Variants in CEP295 observed in about 807,000 individuals in gnomAD.
CEP295 encodes the protein centrosomal protein of 295 kDa.
In CEP295, 190 loss-of-function variants were observed where a neutral mutation model predicts 291.6. The observed-to-expected ratio is 0.65, with a 90% CI of 0.58 to 0.73. The LOEUF is 0.73. Among genes scored for constraint, CEP295 ranks in the 30% least tolerant of loss-of-function variants. CEP295 has a pLI of 0.00. For synonymous variants in CEP295, 993 were observed against 1,038.8 expected (o/e 0.96, Z 0.85); for missense variants, 2,863 against 2,949.4 (o/e 0.97, Z 0.68).
chr11:93,720,951 A>G (rs1953669791), intron 18 of CEP295, among the ~76,000 whole-genome samples: 1 of 152,182 alleles, frequency 6.6e-6, no homozygotes, highest in Non-Finnish European at 1.5e-5. Context: ...CTTTAGGACC[A>G]CACTGTGTTT....
At position 93,676,918 on chromosome 11, in the gene CEP295, G is replaced by A. The variant is rs116605588; in HGVS notation, c.624+1252G>A. Among the ~76,000 whole-genome samples the A allele has an allele frequency of 5.1e-3, 777 of 151,922 alleles. 11 individuals carry two copies. The highest frequency in any genetic ancestry group is 0.017 in the African/African-American group (709 of 41,440). On this transcript the variant is annotated intron_variant, in intron 6 of 29. Coordinates refer to ENST00000325212, the MANE Select transcript of CEP295 (RefSeq NM_033395.2). ...ATGATAAAGGGTTAGAAAAAAGTTC[G>A]GGACCACAAACAAATTTTGTTTCTA...
rs1441066338 is a variant in CEP295, at chr11:93,721,367, G to A, written c.5805G>A (p.Glu1935=). ...ATGCAGTGTTAAGTTATGCTGTGGA[G>A]GAAGAACATGCATATTTGGGTCCAA... ...ENHAVLSYAV[E]EEHAYLGPTV... The change falls in exon 19 of 30, where the codon GAG becomes GAA. Residue 1935 remains glutamate (E), a synonymous_variant. Transcript: ENST00000325212. The A allele has an allele frequency of 6.4e-7, 1 of 1,569,858 alleles. No homozygotes were observed. The highest frequency in any genetic ancestry group is 8.7e-7 in the Non-Finnish European group (1 of 1,155,184).
chr11:93,678,779 C>T (rs776404786), intron 6 of CEP295, among the ~76,000 whole-genome samples: 19 of 151,986 alleles, frequency 1.3e-4, no homozygotes, highest in Non-Finnish European at 2.6e-4. Flanking sequence ...GACTCTGTGC[C>T]TCTTTCTCTT....
intron 6 of CEP295, among the ~76,000 whole-genome samples, chr11:93,677,947 T>A (rs1226109169): frequency 6.6e-6 from 1 of 152,210 alleles, no homozygotes; most frequent in Non-Finnish European, 1.5e-5. Context: ...TAGGGGATTG[T>A]CTTCCTAAAG....
In CEP295 at chr11:93,729,775, T is replaced by G. The variant is rs1325058108; in HGVS notation, c.7561T>G (p.Ser2521Ala). 3 of 1,540,584 alleles carry G rather than the reference T, an allele frequency of 1.9e-6. No homozygotes were observed. The highest frequency in any genetic ancestry group is 2.6e-6 in the Non-Finnish European group (3 of 1,142,246). ...AATCAAAACAGTTAAAGAGAAACCA[T>G]CTATAAGTATGTTGAATTTTTAAAA... ...SQIKTVKEKP[S>A]ISSSVSRLKG... The change falls in exon 27 of 30, where the codon TCT becomes GCT. Residue 2521 changes from serine to alanine, a missense_variant. By Grantham distance (99) the Ser-to-Ala change is moderately conservative. Transcript: ENST00000325212.
chr11:93,721,044 C>A (rs1415199392), intron 18 of CEP295, among the ~76,000 whole-genome samples: 3 of 152,090 alleles, frequency 2.0e-5, no homozygotes, highest in Admixed American at 2.0e-4. Context: ...GGTTTTAGAC[C>A]TAATATTCAA....
chr11:93,696,129 G>A (rs549535897), intron 13 of CEP295, among the ~76,000 whole-genome samples, 191 bp from the exon 14 acceptor site: 95 of 152,260 alleles, frequency 6.2e-4, no homozygotes, highest in Admixed American at 1.8e-3. Flanking sequence ...TGTAGGTAAT[G>A]CGTATGTTGA....
rs545391700 is a variant in CEP295 at position 93,702,794 on chromosome 11, A to T, written c.5471A>T (p.Asp1824Val). Residue 1824 changes from aspartate to valine, a missense_variant, in exon 17 of 30, where the codon GAT becomes GTT. By Grantham distance (152) the Asp-to-Val change is radical (BLOSUM62 -3). Transcript: ENST00000325212. ...TTAATAGGTGAGCATCTGGAGAAAG[A>T]TCTGGGGAGAAGATCCTCAAAGCCA... is the stretch of plus-strand genomic sequence containing the variant. ...AKQSGEHLEK[D>V]LGRRSSKPPV... 1.2e-5 allele frequency: 19 copies of T among 1,551,980 alleles called. No homozygotes were observed. In the East Asian group the frequency reaches 4.4e-4, roughly 36 times the overall value.
At chr11:93,684,970 A>G (rs1591016282) in intron 9 of CEP295, among the ~76,000 whole-genome samples, 3 of 152,192 alleles carry the variant, frequency 2.0e-5, no homozygotes, top group Admixed American at 2.0e-4. Context: ...CTCTATCTCC[A>G]ACATTCTGAA....
intron 19 of CEP295, 187 bp downstream of exon 19, chr11:93,721,599 G>A (rs866004324): frequency 1.3e-6 from 1 of 754,804 alleles, no homozygotes; most frequent in Middle Eastern, 2.4e-4. Flanking sequence ...TCTACCTGAT[G>A]CATGATCTCT....
intron 15 of CEP295, among the ~76,000 whole-genome samples, chr11:93,702,118 C>G (rs777625862): frequency 1.3e-5 from 2 of 152,034 alleles, no homozygotes; most frequent in Admixed American, 1.3e-4. Context: ...ACAATCACGC[C>G]CAGCCAATTT....
intron 10 of CEP295, among the ~76,000 whole-genome samples, chr11:93,690,514 G>C (rs569276989): frequency 6.7e-6 from 1 of 149,652 alleles, no homozygotes; most frequent in Non-Finnish European, 1.5e-5. Flanking sequence ...AGCCGAGATC[G>C]GGCCACTGCA....
At chr11:93,667,861 T>C in intron 3 of CEP295, 54 bp downstream of exon 3, 1 of 1,195,896 alleles carries the variant, frequency 8.4e-7, no homozygotes, top group Admixed American at 2.9e-5. Context: ...TAGTAAAAAG[T>C]AAATTATAGT....
rs901402570 is a variant in CEP295 at position 93,727,292 on chromosome 11, A to G, written c.6816A>G (p.Leu2272=). 1.9e-6 allele frequency: 3 copies of G among 1,551,750 alleles called. No individual in the cohort carries two copies. Among genetic ancestry groups the G allele is most frequent in the Non-Finnish European group, 2.6e-6 (3 of 1,146,970 alleles). ...GTGAGTGCTCAACAAAACACCAACT[A>G]GAAAGCAGAAAGGAAAGTATGGGCT... The part of the protein sequence containing the change: ...NSSECSTKHQ[L]ESRKESMGFE... Residue 2272 remains leucine (L), a synonymous_variant, in exon 24 of 30, where the codon CTA becomes CTG. Coordinates refer to ENST00000325212, the MANE Select transcript of CEP295 (RefSeq NM_033395.2).
chr11:93,683,638 T>C lies in CEP295; in HGVS notation c.845T>C (p.Met282Thr). 1.9e-6 allele frequency: 3 copies of C among 1,549,916 alleles called. No homozygotes were observed. Among genetic ancestry groups the C allele is most frequent in the Non-Finnish European group, 2.6e-6 (3 of 1,146,608 alleles). ...CGTAGGAGACAGACTGTAGCACAAA[T>C]GCCACCACAACTAGTTGAACTTCCA... ...LARRRQTVAQ[M>T]PPQLVELPYK... is the part of the protein sequence containing the mutation. The change falls in exon 8 of 30, where the codon ATG becomes ACG. Residue 282 changes from methionine (M) to threonine (T), a missense_variant. Met to Thr is a moderately conservative substitution (Grantham distance 81). Transcript: ENST00000325212.
chr11:93,662,367 C>T (rs950426008), intron 1 of CEP295, among the ~76,000 whole-genome samples: 2 of 152,140 alleles, frequency 1.3e-5, no homozygotes, highest in African/African-American at 4.8e-5. Flanking sequence ...TTTAAGAAAA[C>T]GAAACCAAAG....
chr11:93,728,893 A>AG, intron 25 of CEP295, 72 bp downstream of exon 25: 1 of 1,342,670 alleles, frequency 7.4e-7, no homozygotes, highest in Non-Finnish European at 1.0e-6. Flanking sequence ...ACAACTTATC[A>AG]GAAGGTACTC....
intron 1 of CEP295, among the ~76,000 whole-genome samples, chr11:93,664,050 A>G (rs548278287): frequency 6.6e-6 from 1 of 152,258 alleles, no homozygotes; most frequent in African/African-American, 2.4e-5. Flanking sequence ...TGAACTTTAT[A>G]TAAATCAATT....
In CEP295 at chr11:93,730,125, G is replaced by C. The variant is rs1938239369; in HGVS notation, c.7744G>C (p.Ala2582Pro). 1 of 1,550,950 alleles carries C rather than the reference G, an allele frequency of 6.4e-7. No homozygotes were observed. Among genetic ancestry groups the C allele is most frequent in the Non-Finnish European group, 8.7e-7 (1 of 1,146,830 alleles). ...TKQEAYAQNR[A>P]RAKEFHKKTL... ...ACAAGAAGCTTATGCCCAAAACAGA[G>C]CAAGGGCAAAAGAATTCCATAAGGT... The change falls in exon 29 of 30, where the codon GCA becomes CCA. Residue 2582 changes from alanine (A) to proline (P), a missense_variant. Coordinates refer to ENST00000325212, the MANE Select transcript of CEP295 (RefSeq NM_033395.2).
Sources: allele counts gnomAD v4.1 joint callset (sites outside exome capture counted in the v4.1 genomes callset), GRCh38; gene constraint gnomAD v4.1.1; transcripts MANE v1.5; gene names NCBI Gene and HGNC (gene_info 2026-07-23, HGNC 2026-07-21).